CNOT6: variants seen among roughly 807,000 people sequenced by gnomAD.
CNOT6 encodes the protein carbon catabolite repression 4 protein.
A neutral mutation model predicts 61.2 loss-of-function variants in CNOT6; 12 were observed. That is an observed-to-expected ratio of 0.20 (90% CI 0.13 to 0.32). CNOT6 has a LOEUF of 0.32. CNOT6 is among the 10% of genes least tolerant of loss of function. The pLI is 1.00. For synonymous variants in CNOT6, 225 were observed against 240.6 expected (o/e 0.94, Z 0.60); for missense variants, 405 against 663.9 (o/e 0.61, Z 4.28).
chr5:180,516,052 A>G (rs1278556224), intron 1 of CNOT6, among the ~76,000 whole-genome samples: 2 of 152,114 alleles, frequency 1.3e-5, no homozygotes, highest in Non-Finnish European at 2.9e-5. Flanking sequence ...CTGGGACTAC[A>G]GGCACACACC....
rs1049915091 is a variant in CNOT6 at position 180,576,900 on chromosome 5, G to A, written c.*2700G>A. The stretch of plus-strand genomic sequence containing the variant: ...TAATGTCATTTCAGTATTTTTGCTG[G>A]ATAAATCCATTTTAGAAATGTCTTA... On this transcript the variant is annotated 3_prime_UTR_variant, in exon 12 of 12. Coordinates refer to ENST00000261951, the MANE Select transcript of CNOT6 (RefSeq NM_001370472.1). 6.6e-6 allele frequency: 1 copy of A among 151,900 alleles called. No homozygotes were observed. The highest frequency in any genetic ancestry group is 2.4e-5 in the African/African-American group (1 of 41,326). The allele number at this position is 151,900 out of a possible 1,614,324, so 9.4% of individuals were successfully genotyped here. A position where few individuals can be genotyped will look rare whatever the true frequency, so the allele number is the denominator to read the frequency against.
At chr5:180,515,621 G>C (rs1368010791) in intron 1 of CNOT6, among the ~76,000 whole-genome samples, 1 of 151,916 alleles carries the variant, frequency 6.6e-6, no homozygotes, top group Non-Finnish European at 1.5e-5. Flanking sequence ...GAAATGAGGA[G>C]GGTCTGTATT....
intron 2 of CNOT6, 123 bp from the exon 3 acceptor site, chr5:180,549,789 AAGATTTCCTGTTAACCCCT>A: frequency 1.7e-6 from 1 of 605,148 alleles, no homozygotes; most frequent in Non-Finnish European, 2.9e-6. Flanking sequence ...TAGAATAGGT[AAGATTTCCTGTTAACCCCT>A]TCTCACAAGT....
chr5:180,565,302 A>ATGAC (rs1330690106), intron 6 of CNOT6, among the ~76,000 whole-genome samples: 5 of 152,246 alleles, frequency 3.3e-5, no homozygotes, highest in Admixed American at 6.5e-5. Context: ...AGTGGAACTA[A>ATGAC]TGACTGCTCA....
At chr5:180,529,943 A>G (rs1758276981) in intron 2 of CNOT6, among the ~76,000 whole-genome samples, 1 of 152,226 alleles carries the variant, frequency 6.6e-6, no homozygotes, top group African/African-American at 2.4e-5. Flanking sequence ...TGCAATCTGG[A>G]CATATTCAAA....
Position 180,577,468 on chromosome 5 carries a change from C to T in CNOT6, c.*3268C>T, listed in dbSNP as rs563687710. On this transcript the variant is annotated 3_prime_UTR_variant, in exon 12 of 12. Transcript: ENST00000261951. Reference sequence around the variant, plus strand: ...GCCAAGCTAGGCAAAACAATGACAGCACCGTTTTTTCAGTGAAGCTCTCAG... The same window carrying T: ...GCCAAGCTAGGCAAAACAATGACAGTACCGTTTTTTCAGTGAAGCTCTCAG... 1.3e-5 allele frequency: 2 copies of T among 152,670 alleles called. No homozygotes were observed. The highest frequency in any genetic ancestry group is 3.9e-4 in the East Asian group (2 of 5,194). The allele number at this position is 152,670 out of a possible 1,614,324, so 9.5% of individuals were successfully genotyped here.
At chr5:180,547,847 C>A (rs1015999669) in intron 2 of CNOT6, among the ~76,000 whole-genome samples, 1 of 152,090 alleles carries the variant, frequency 6.6e-6, no homozygotes. Flanking sequence ...GGTTCTCCTG[C>A]CTCAGCCTCC....
chr5:180,557,587 G>A (rs1437598018), intron 4 of CNOT6, among the ~76,000 whole-genome samples: 1 of 151,968 alleles, frequency 6.6e-6, no homozygotes, highest in African/African-American at 2.4e-5. Context: ...TTTTTTACTG[G>A]GAGTCCTTTA....
chr5:180,496,458 G>C (rs1030911226), intron 1 of CNOT6, among the ~76,000 whole-genome samples: 2 of 152,174 alleles, frequency 1.3e-5, no homozygotes, highest in Non-Finnish European at 2.9e-5. Flanking sequence ...GTTCTTTTGG[G>C]AGGAGGGAGG....
chr5:180,549,887 A>G (rs777246898), intron 2 of CNOT6, 44 bp from the exon 3 acceptor site: 2 of 1,396,512 alleles, frequency 1.4e-6, no homozygotes, highest in Non-Finnish European at 2.0e-6. Flanking sequence ...AACAAAATGT[A>G]GAGAAAACTA....
Position 180,513,896 on chromosome 5 carries a change from G to A in CNOT6, c.-2-15379G>A, listed in dbSNP as rs181990356. 5.2e-3 allele frequency among the ~76,000 whole-genome samples: 784 copies of A among 151,146 alleles called. 7 individuals are homozygous for A. Among genetic ancestry groups the A allele is most frequent in the African/African-American group, 0.018 (724 of 41,216 alleles). On this transcript the variant is annotated intron_variant, in intron 1 of 11. Coordinates refer to ENST00000261951, the MANE Select transcript of CNOT6 (RefSeq NM_001370472.1). Reference sequence around the variant, plus strand: ...TTTTTTGTATTTTTGGTAGAGACGGGGTTTCACCGTGTTAGCCAGATGGTC... The same window carrying A: ...TTTTTTGTATTTTTGGTAGAGACGGAGTTTCACCGTGTTAGCCAGATGGTC...
At chr5:180,558,678 T>C (rs1312121020) in intron 4 of CNOT6, among the ~76,000 whole-genome samples, 2 of 152,046 alleles carry the variant, frequency 1.3e-5, no homozygotes, top group African/African-American at 4.8e-5. Context: ...TTGAGGCTTC[T>C]GTCTTTATTG....
chr5:180,497,249 C>T (rs999525264), intron 1 of CNOT6, among the ~76,000 whole-genome samples: 2 of 150,418 alleles, frequency 1.3e-5, no homozygotes, highest in East Asian at 2.0e-4. Context: ...ATGGCTTGAA[C>T]CTGGGAGGCA....
intron 1 of CNOT6, among the ~76,000 whole-genome samples, chr5:180,528,968 T>C (rs1275110259): frequency 6.6e-6 from 1 of 152,060 alleles, no homozygotes; most frequent in African/African-American, 2.4e-5. Context: ...CCCAGCACTT[T>C]GGGAGGCCAA....
In CNOT6 at chr5:180,577,112, G is replaced by A. The variant is rs756035170; in HGVS notation, c.*2912G>A. 7 of 151,324 alleles carry A rather than the reference G, an allele frequency of 4.6e-5. No homozygotes were observed. Among genetic ancestry groups the A allele is most frequent in the Non-Finnish European group, 8.8e-5 (6 of 67,832 alleles). The allele number at this position is 151,324 out of a possible 1,614,324, so 9.4% of individuals were successfully genotyped here. A position where few individuals can be genotyped will look rare whatever the true frequency, so the allele number is the denominator to read the frequency against. ...TAAGCTAAAGTTGTAGAAATGAATT[G>A]TTGAGTGCAACTTTCATAGTCCCAA... On this transcript the variant is annotated 3_prime_UTR_variant, in exon 12 of 12. Coordinates refer to ENST00000261951, the MANE Select transcript of CNOT6 (RefSeq NM_001370472.1).
chr5:180,550,464 CA>C (rs1329019095), intron 3 of CNOT6, among the ~76,000 whole-genome samples: 1 of 151,750 alleles, frequency 6.6e-6, no homozygotes. Flanking sequence ...AAAACAAAAA[CA>C]AAAAAACATT....
chr5:180,514,646 T>C (rs34294053), intron 1 of CNOT6, among the ~76,000 whole-genome samples: 70,465 of 151,996 alleles, frequency 0.46, 17,427 homozygotes, highest in Non-Finnish European at 0.56. Context: ...GTGCATGGTT[T>C]TGAGGTTTTT....
chr5:180,552,621 G>A (rs1423547256), intron 3 of CNOT6, among the ~76,000 whole-genome samples: 1 of 151,128 alleles, frequency 6.6e-6, no homozygotes, highest in African/African-American at 2.4e-5. Flanking sequence ...ACTCCAGCCT[G>A]GGCAATGGAG....
Position 180,549,951 on chromosome 5 carries a change from G to C in CNOT6, c.133G>C (p.Ala45Pro). 2 of 1,610,660 alleles carry C rather than the reference G, an allele frequency of 1.2e-6. No homozygotes were observed. Among genetic ancestry groups the C allele is most frequent in the Non-Finnish European group, 1.7e-6 (2 of 1,177,502 alleles). Residue 45 changes from alanine to proline, a missense_variant, in exon 3 of 12, where the codon GCA becomes CCA. By Grantham distance (27) the Ala-to-Pro change is conservative (BLOSUM62 -1). This residue lies in a region of CNOT6 where 212 missense variants were observed against 307.1 expected (regional missense o/e 0.69). Transcript: ENST00000261951. ...TACAGGAAAAGTAAGAAGCTTAAGC[G>C]CATCTTTGTGGTCACTAACTCACCT... is the stretch of plus-strand genomic sequence containing the variant. ...EISGKVRSLS[A>P]SLWSLTHLTA... is the part of the protein sequence containing the mutation.
Sources: allele counts gnomAD v4.1 joint callset (sites outside exome capture counted in the v4.1 genomes callset), GRCh38; gene constraint gnomAD v4.1.1; regional missense constraint gnomAD v4.1.1; transcripts MANE v1.5; gene names NCBI Gene and HGNC (gene_info 2026-07-23, HGNC 2026-07-21).